Variants in ANKRD30B observed in about 807,000 individuals in gnomAD.
The protein encoded by ANKRD30B is ankyrin repeat domain-containing protein 30B.
ANKRD30B carries 144 observed loss-of-function variants against 202.2 expected under a neutral mutation model. The observed-to-expected ratio is 0.71, with a 90% CI of 0.62 to 0.82. ANKRD30B has a LOEUF of 0.82. ANKRD30B is among the 40% of genes least tolerant of loss of function. The pLI is 0.00. For missense variants in ANKRD30B, 1,487 were observed against 1,669.1 expected (o/e 0.89, Z 1.90); for synonymous variants, 508 against 561.3 (o/e 0.91, Z 1.34).
chr18:14,867,103 G>A, the ANKRD30B span, among the ~76,000 whole-genome samples: 1 of 142,552 alleles, frequency 7.0e-6, no homozygotes, highest in African/African-American at 2.6e-5. Flanking sequence ...GCAGATTGGG[G>A]GCGCTATCTG....
chr18:14,788,786 G>T (rs1346672828), intron 15 of ANKRD30B, among the ~76,000 whole-genome samples: 1 of 151,822 alleles, frequency 6.6e-6, no homozygotes, highest in African/African-American at 2.4e-5. Context: ...TCTTAATCCA[G>T]TCTATCATTG....
At chr18:14,927,968 T>C in the ANKRD30B span, among the ~76,000 whole-genome samples, 1 of 151,950 alleles carries the variant, frequency 6.6e-6, no homozygotes, top group Non-Finnish European at 1.5e-5. Flanking sequence ...CCGTGTGTGA[T>C]GGTAATTTTT....
Position 14,748,229 on chromosome 18 carries a change from G to A in ANKRD30B, c.-191G>A. ...CTGCTCAGAATTTCTCCCGACAGAG[G>A]CCGGAGTGTTCAAGAGCTTGGCGAT... On this transcript the variant is annotated 5_prime_UTR_variant, in exon 1 of 44. Transcript: ENST00000690538. 2.0e-6 allele frequency: 1 copy of A among 512,162 alleles called. No homozygotes were observed. The highest frequency in any genetic ancestry group is 3.4e-6 in the Non-Finnish European group (1 of 291,730). 31.7% of individuals were successfully genotyped at this position (512,162 alleles called of 1,614,324 possible).
At chr18:14,817,875 T>A (rs996995672) in intron 30 of ANKRD30B, among the ~76,000 whole-genome samples, 11 of 152,202 alleles carry the variant, frequency 7.2e-5, no homozygotes, top group African/African-American at 2.4e-4. Context: ...GCACTTTTTT[T>A]ATAAAACACC....
chr18:14,755,851 C>T (rs1352855383), intron 4 of ANKRD30B, among the ~76,000 whole-genome samples: 7 of 151,330 alleles, frequency 4.6e-5, no homozygotes, highest in South Asian at 2.1e-4. Flanking sequence ...GTGAATAGTG[C>T]CACAATAAAC....
At chr18:14,929,814 C>CA in the ANKRD30B span, among the ~76,000 whole-genome samples, 1 of 151,826 alleles carries the variant, frequency 6.6e-6, no homozygotes, top group African/African-American at 2.4e-5. Context: ...TGTGTGTGTG[C>CA]ATTTCATATA....
At chr18:14,810,555 C>T (rs191624367) in intron 28 of ANKRD30B, among the ~76,000 whole-genome samples, 14 of 151,172 alleles carry the variant, frequency 9.3e-5, no homozygotes, top group Admixed American at 2.6e-4. Flanking sequence ...CACTTGCTGA[C>T]GTGACAGTTG....
chr18:14,822,603 A>T lies in ANKRD30B; in HGVS notation c.2671-2A>T. The T allele has an allele frequency of 6.5e-6, 9 of 1,384,380 alleles. No individual in the cohort carries two copies. Among genetic ancestry groups the T allele is most frequent in the Non-Finnish European group, 8.9e-6 (9 of 1,008,230 alleles). The allele number at this position is 1,384,380 out of a possible 1,614,324, so 85.8% of individuals were successfully genotyped here. On this transcript the variant is annotated splice_acceptor_variant, in intron 31 of 43. Coordinates refer to ENST00000690538, the MANE Select transcript of ANKRD30B (RefSeq NM_001367607.2). LOFTEE classifies it high-confidence loss of function. The stretch of plus-strand genomic sequence containing the variant: ...AATTATTGTGTTTCCAAACCCATTT[A>T]GCCTACCTGTGGAATGAAAATTTCT...
At chr18:14,863,460 T>C in the ANKRD30B span, among the ~76,000 whole-genome samples, 296 of 152,176 alleles carry the variant, frequency 1.9e-3, 1 homozygote, top group Admixed American at 3.2e-3. Flanking sequence ...TCCTCTGTGA[T>C]TGGATGCTTT....
Position 14,837,227 on chromosome 18 carries a change from C to G in ANKRD30B, c.2864C>G (p.Thr955Arg), listed in dbSNP as rs915615966. The G allele has an allele frequency of 2.6e-6, 4 of 1,546,960 alleles. No individual in the cohort carries two copies. The African/African-American group carries it at 5.5e-5, about 21-fold the overall frequency. Reference protein sequence around the residue: ...NLTTKEGATKTVTGQQERDIG... With the variant: ...NLTTKEGATKRVTGQQERDIG... ...TTGTAATAGGAGGGAGCAACAAAGACAGTAACTGGACAACAGGAACGTGAT... is the reference window on the plus strand; with the variant it reads ...TTGTAATAGGAGGGAGCAACAAAGAGAGTAACTGGACAACAGGAACGTGAT... Residue 955 changes from threonine (T) to arginine (R), a missense_variant, in exon 35 of 44, where the codon ACA (threonine) becomes AGA (arginine). Around this residue, in one of 6 missense-constraint regions of ANKRD30B, gnomAD observed 218 missense variants for 320.1 expected, o/e 0.68. Transcript: ENST00000690538.
At chr18:14,859,150 A>G (rs1434278918), downstream of ANKRD30B, among the ~76,000 whole-genome samples, 1 of 126,292 alleles carries the variant, frequency 7.9e-6, no homozygotes, top group Non-Finnish European at 1.7e-5. Context: ...GACCAGGAAG[A>G]GGCGCTCCTC....
chr18:14,925,948 G>A, the ANKRD30B span, among the ~76,000 whole-genome samples: 2 of 152,196 alleles, frequency 1.3e-5, no homozygotes, highest in African/African-American at 2.4e-5. Flanking sequence ...CACCTGTCCT[G>A]TGCTCACAAA....
At chr18:14,835,855 A>G (rs1201847651) in intron 34 of ANKRD30B, among the ~76,000 whole-genome samples, 1 of 152,004 alleles carries the variant, frequency 6.6e-6, no homozygotes, top group Non-Finnish European at 1.5e-5. Flanking sequence ...GTACAATTAA[A>G]AATTTCAAGG....
At chr18:14,926,900 G>A in the ANKRD30B span, among the ~76,000 whole-genome samples, 1 of 151,966 alleles carries the variant, frequency 6.6e-6, no homozygotes. Flanking sequence ...CTGTCTATGT[G>A]TATTCCCATT....
the ANKRD30B span, among the ~76,000 whole-genome samples, chr18:14,936,798 G>A: frequency 1.3e-5 from 2 of 152,244 alleles, no homozygotes; most frequent in East Asian, 1.9e-4. Context: ...CTGCAAGGAT[G>A]CTATTTTTCA....
chr18:14,831,857 A>G (rs1970959737), intron 34 of ANKRD30B, among the ~76,000 whole-genome samples: 1 of 152,212 alleles, frequency 6.6e-6, no homozygotes, highest in Admixed American at 6.5e-5. Flanking sequence ...AACTTTAAAA[A>G]CACCTCATCC....
chr18:14,769,917 T>G (rs1333032224), intron 8 of ANKRD30B, among the ~76,000 whole-genome samples: 1 of 152,228 alleles, frequency 6.6e-6, no homozygotes, highest in Non-Finnish European at 1.5e-5. Context: ...AGACATAGGC[T>G]TTTGTTTCAT....
intron 5 of ANKRD30B, 51 bp downstream of exon 5, chr18:14,758,003 G>A: frequency 6.6e-7 from 1 of 1,523,928 alleles, no homozygotes. Flanking sequence ...TTGTTTCAGG[G>A]AGTTTTTGAA....
At chr18:14,763,092 CTTA>C (rs1025940543) in intron 6 of ANKRD30B, among the ~76,000 whole-genome samples, 21 of 151,892 alleles carry the variant, frequency 1.4e-4, no homozygotes, top group African/African-American at 3.6e-4. Context: ...AAGCATTTTT[CTTA>C]TTATTATTAT....
Sources: gnomAD v4.1 joint callset for allele counts (sites outside exome capture counted in the v4.1 genomes callset) on GRCh38, gnomAD v4.1.1 for gene constraint, gnomAD v4.1.1 regional missense constraint, MANE v1.5 for transcripts, NCBI Gene and HGNC (gene_info 2026-07-23, HGNC 2026-07-21) for gene names.